The following SHANK2 variants were observed in gnomAD, a reference collection of about 807,000 sequenced individuals.
The protein encoded by SHANK2 is SH3 and multiple ankyrin repeat domains protein 2.
SHANK2 carries 43 observed loss-of-function variants against 133.7 expected under a neutral mutation model. The observed-to-expected ratio is 0.32, with a 90% CI of 0.25 to 0.41. The LOEUF is 0.41. SHANK2 is among the 10% of genes least tolerant of loss of function. SHANK2 has a pLI of 1.00. For missense variants in SHANK2, 1,994 were observed against 2,235.8 expected (o/e 0.89, Z 2.18); for synonymous variants, 1,017 against 952.8 (o/e 1.07, Z -1.24).
In SHANK2 at chr11:71,138,588, G is replaced by A. The variant is rs576278332; in HGVS notation, c.207+8532C>T. Reference sequence around the variant, plus strand: ...TCCCAGCACTTTGGGAGGCTGAGGTGGGAGGATCACTTGAGCCCAGGAGTT... The same window carrying A: ...TCCCAGCACTTTGGGAGGCTGAGGTAGGAGGATCACTTGAGCCCAGGAGTT... On this transcript the variant is annotated intron_variant, in intron 3 of 25. Coordinates refer to ENST00000601538, the MANE Select transcript of SHANK2 (RefSeq NM_012309.5). Among the ~76,000 whole-genome samples, 3 of 152,058 alleles carry A rather than the reference G, an allele frequency of 2.0e-5. No homozygotes were observed. The South Asian group carries it at 6.2e-4, about 32-fold the overall frequency.
chr11:71,192,394 T>C (rs1338821338), intron 2 of SHANK2, among the ~76,000 whole-genome samples: 1 of 152,170 alleles, frequency 6.6e-6, no homozygotes, highest in East Asian at 1.9e-4. Context: ...GCTATGACTA[T>C]GAGAGCCCAT....
At chr11:70,484,376 G>A (rs1177432616) in intron 25 of SHANK2, among the ~76,000 whole-genome samples, 1 of 151,400 alleles carries the variant, frequency 6.6e-6, no homozygotes, top group African/African-American at 2.5e-5. Context: ...ATGAGATCAG[G>A]TTGTTTAAAT....
At chr11:70,603,497 C>T (rs916342331) in intron 17 of SHANK2, 1 of 152,372 alleles carries the variant, frequency 6.6e-6, no homozygotes, top group Non-Finnish European at 1.5e-5. Flanking sequence ...ACCCAGAGTC[C>T]AGCAGAACCT....
intron 15 of SHANK2, among the ~76,000 whole-genome samples, chr11:70,681,741 A>T (rs890112192): frequency 7.2e-5 from 11 of 151,996 alleles, no homozygotes; most frequent in Non-Finnish European, 1.2e-4. Context: ...CCCAGTACCT[A>T]ATGGAGTGAC....
At chr11:71,124,948 C>T (rs1952155804) in intron 3 of SHANK2, among the ~76,000 whole-genome samples, 2 of 152,168 alleles carry the variant, frequency 1.3e-5, no homozygotes, top group Admixed American at 1.3e-4. Flanking sequence ...TCAAATTTTT[C>T]ATAATTATTA....
chr11:70,710,939 CTTT>C (rs1362054386), intron 14 of SHANK2, among the ~76,000 whole-genome samples: 1 of 152,070 alleles, frequency 6.6e-6, no homozygotes, highest in Non-Finnish European at 1.5e-5. Context: ...CTTCACAGAT[CTTT>C]TTTTTCTTTT....
intron 11 of SHANK2, among the ~76,000 whole-genome samples, chr11:70,845,449 T>C (rs1555062962): frequency 1.3e-5 from 2 of 152,096 alleles, no homozygotes; most frequent in African/African-American, 4.8e-5. Context: ...TCCAAGTCCA[T>C]GGCATTTTTC....
chr11:71,117,949 G>A lies in SHANK2; in HGVS notation c.411+880C>T, dbSNP rs545477304. On this transcript the variant is annotated intron_variant, in intron 4 of 25. Coordinates refer to ENST00000601538, the MANE Select transcript of SHANK2 (RefSeq NM_012309.5). ...AATGTGGGTGGCCTGGGGACTTGAC[G>A]TTTATGGAGGGCAGTCTTATGGGAC... Among the ~76,000 whole-genome samples, 39 of 152,328 alleles carry A rather than the reference G, an allele frequency of 2.6e-4. 1 individual carries two copies. The highest frequency in any genetic ancestry group is 6.5e-4 in the African/African-American group (27 of 41,574).
At chr11:71,150,344 CAGGG>C (rs1246072587) in intron 2 of SHANK2, among the ~76,000 whole-genome samples, 6 of 27,836 alleles carry the variant, frequency 2.2e-4, no homozygotes, top group East Asian at 1.3e-3. Context: ...GAGGGAGGGA[CAGGG>C]AGGGAGGGAG....
chr11:71,216,169 A>G (rs528625462), intron 2 of SHANK2, among the ~76,000 whole-genome samples: 1 of 152,374 alleles, frequency 6.6e-6, no homozygotes, highest in African/African-American at 2.4e-5. Context: ...AAGCCTGTAC[A>G]AGAATGTCCA....
chr11:70,660,398 C>T (rs569940131), intron 16 of SHANK2, among the ~76,000 whole-genome samples: 257 of 152,340 alleles, frequency 1.7e-3, no homozygotes, highest in Non-Finnish European at 2.9e-3. Context: ...GGAACGCGGA[C>T]GGAACATCAC....
intron 7 of SHANK2, among the ~76,000 whole-genome samples, chr11:71,093,967 G>A (rs1951561401): frequency 6.6e-6 from 1 of 152,126 alleles, no homozygotes; most frequent in African/African-American, 2.4e-5. Flanking sequence ...GTGAGGCAGG[G>A]GCACGGAGCA....
chr11:71,124,373 A>G (rs1233226803), intron 3 of SHANK2, among the ~76,000 whole-genome samples: 4 of 140,900 alleles, frequency 2.8e-5, no homozygotes, highest in Non-Finnish European at 6.2e-5. Flanking sequence ...TGCAATGATG[A>G]CAGTAGTGGT....
intron 10 of SHANK2, among the ~76,000 whole-genome samples, chr11:71,055,783 G>T (rs1404172340): frequency 7.0e-6 from 1 of 142,334 alleles, no homozygotes; most frequent in Non-Finnish European, 1.5e-5. Flanking sequence ...GGCTGGGGGA[G>T]GGGGAGGGGG....
intron 15 of SHANK2, among the ~76,000 whole-genome samples, chr11:70,697,294 A>G (rs183972519): frequency 5.9e-5 from 9 of 152,360 alleles, no homozygotes; most frequent in Non-Finnish European, 1.2e-4. Flanking sequence ...TTTTACCACA[A>G]TAAGAAAAAA....
chr11:71,073,147 C>CTTTTTGTTTTTTTTTTTTTTTTTT, intron 9 of SHANK2, among the ~76,000 whole-genome samples: 1 of 62,756 alleles, frequency 1.6e-5, no homozygotes, highest in Admixed American at 1.6e-4. Flanking sequence ...TTTTTCTTTT[C>CTTTTTGTTTTTTTTTTTTTTTTTT]TTTTTTTTCT....
At chr11:71,192,181 G>C (rs1555115534) in intron 2 of SHANK2, among the ~76,000 whole-genome samples, 1 of 152,104 alleles carries the variant, frequency 6.6e-6, no homozygotes, top group Non-Finnish European at 1.5e-5. Context: ...CTTCTTATCA[G>C]GACACCAGTC....
At chr11:70,691,139 T>C (rs1555020930) in intron 15 of SHANK2, among the ~76,000 whole-genome samples, 2 of 151,984 alleles carry the variant, frequency 1.3e-5, no homozygotes. Flanking sequence ...AATGTGAAAC[T>C]GAGAGTTCAC....
intron 14 of SHANK2, among the ~76,000 whole-genome samples, chr11:70,717,995 C>A (rs1945979926): frequency 6.6e-6 from 1 of 152,194 alleles, no homozygotes; most frequent in Non-Finnish European, 1.5e-5. Flanking sequence ...AAGTTGTAAG[C>A]CCCAGACTGG....
Sources: allele counts gnomAD v4.1 joint callset (sites outside exome capture counted in the v4.1 genomes callset), GRCh38; gene constraint gnomAD v4.1.1; transcripts MANE v1.5; gene names NCBI Gene and HGNC (gene_info 2026-07-23, HGNC 2026-07-21).